The following ARHGEF10 variants were observed in gnomAD, a reference collection of about 807,000 sequenced individuals.
ARHGEF10 encodes Rho guanine nucleotide exchange factor (GEF) 10.
Under a neutral mutation model 147.4 loss-of-function variants are expected in ARHGEF10, and 140 were observed. That is an observed-to-expected ratio of 0.95 (90% CI 0.83 to 1.09). The LOEUF is 1.09. Among genes scored for constraint, ARHGEF10 ranks in the 50% least tolerant of loss-of-function variants. The pLI, the probability that ARHGEF10 is intolerant of heterozygous loss-of-function variation, is 0.00. For synonymous variants in ARHGEF10, 902 were observed against 695.8 expected, an observed-to-expected ratio of 1.30 and a Z score of -4.67; for missense variants, 2,222 against 1,752.7, an observed-to-expected ratio of 1.27 and a Z score of -4.78.
At chr8:1,926,579 C>T (rs1326341163) in intron 23 of ARHGEF10, 116 bp downstream of exon 23, 4 of 920,512 alleles carry the variant, frequency 4.3e-6, no homozygotes, top group Non-Finnish European at 7.1e-6. Flanking sequence ...TGGCGTATCC[C>T]AGAGTGTACT....
At position 1,909,446 on chromosome 8, in the gene ARHGEF10, G is replaced by C. The variant is rs1301945404; in HGVS notation, c.2119G>C (p.Ala707Pro). ...TGCCGTTCACCCGCCGGAGAGCCTG[G>C]CCGTGGTTGCTAACGCGAAACCAAG... ...HLAVHPPESL[A>P]VVANAKPNKV... The change falls in exon 18 of 29, where the codon GCC (alanine) becomes CCC (proline). Residue 707 changes from alanine (A) to proline (P), a missense_variant. By Grantham distance (27) the Ala-to-Pro change is conservative. Transcript: ENST00000349830. 2 of 1,614,090 alleles carry C rather than the reference G, an allele frequency of 1.2e-6. No individual in the cohort carries two copies. Among genetic ancestry groups the C allele is most frequent in the Admixed American group, 3.3e-5 (2 of 60,020 alleles).
At chr8:1,945,215 A>G (rs1563324061) in intron 26 of ARHGEF10, among the ~76,000 whole-genome samples, 2 of 152,206 alleles carry the variant, frequency 1.3e-5, no homozygotes, top group South Asian at 2.1e-4. Flanking sequence ...TTAGGACACA[A>G]GCTCAGTGGC....
At chr8:1,876,943 G>A (rs79557181) in intron 8 of ARHGEF10, among the ~76,000 whole-genome samples, 3,185 of 152,310 alleles carry the variant, frequency 0.021, 40 homozygotes, top group African/African-American at 0.04. Context: ...GAGAAATTAA[G>A]CTTCTATAAT....
rs1813536219 is a variant in ARHGEF10, at chr8:1,935,696, G to A, written c.3222+1754G>A. ...CCTCTCTACAGAGGAGCTTGTGCAC[G>A]CACATCTAAGGGTATCCATTGCAAC... On this transcript the variant is annotated intron_variant, in intron 26 of 28. Coordinates refer to ENST00000349830, the MANE Select transcript of ARHGEF10 (RefSeq NM_014629.4). Among the ~76,000 whole-genome samples, 11 of 152,308 alleles carry A rather than the reference G, an allele frequency of 7.2e-5. No homozygotes were observed. In the South Asian group the frequency reaches 2.1e-3, roughly 29 times the overall value.
At chr8:1,877,810 A>G (rs1407813735) in intron 8 of ARHGEF10, among the ~76,000 whole-genome samples, 1 of 151,848 alleles carries the variant, frequency 6.6e-6, no homozygotes, top group Non-Finnish European at 1.5e-5. Context: ...TGAGGCTGAG[A>G]TGGAAGCCAC....
upstream of ARHGEF10, among the ~76,000 whole-genome samples, chr8:1,823,452 G>A (rs973592764): frequency 6.6e-6 from 1 of 151,122 alleles, no homozygotes; most frequent in African/African-American, 2.4e-5. Flanking sequence ...GATGTTCTGG[G>A]GGGGGGAGCG....
At chr8:1,873,073 C>T (rs775664934) in intron 7 of ARHGEF10, among the ~76,000 whole-genome samples, 2 of 152,206 alleles carry the variant, frequency 1.3e-5, no homozygotes, top group African/African-American at 4.8e-5. Flanking sequence ...GGCCCCCTGC[C>T]GTGTGGCGAG....
intron 2 of ARHGEF10, among the ~76,000 whole-genome samples, chr8:1,847,111 T>C (rs1804622810): frequency 6.6e-6 from 1 of 152,066 alleles, no homozygotes; most frequent in Admixed American, 6.6e-5. Context: ...ACACGTCAGG[T>C]CATCACAAGG....
At chr8:1,825,690 T>C (rs925490283) in intron 1 of ARHGEF10, among the ~76,000 whole-genome samples, 1 of 152,122 alleles carries the variant, frequency 6.6e-6, no homozygotes, top group South Asian at 2.1e-4. Context: ...CAGTAGGTCA[T>C]GTTCCCAGGC....
rs1287247041 is a variant in ARHGEF10 at position 1,909,566 on chromosome 8, G to C, written c.2143+96G>C. 5 of 1,526,192 alleles carry C rather than the reference G, an allele frequency of 3.3e-6. No individual in the cohort carries two copies. The Admixed American group carries it at 9.5e-5, about 29-fold the overall frequency. The allele number at this position is 1,526,192 out of a possible 1,614,324, so 94.5% of individuals were successfully genotyped here. On this transcript the variant is annotated intron_variant, in intron 18 of 28. Transcript: ENST00000349830. ...GCCAGCGTAAGCTCCACCATCAGCA[G>C]GTTCAGGGTTTAACATGGCAAGTCT...
At chr8:1,888,794 GTGAGGAGACACTGAGTGGGGTGAGAGTTA>G (rs1809059769) in intron 11 of ARHGEF10, among the ~76,000 whole-genome samples, 5 of 67,992 alleles carry the variant, frequency 7.4e-5, no homozygotes, top group African/African-American at 3.3e-4. Flanking sequence ...GGTGAGTATT[GTGAGGAGACACTGAGTGGGGTGAGAGTTA>G]TGAGGAGACA....
intron 2 of ARHGEF10, among the ~76,000 whole-genome samples, chr8:1,845,988 C>G (rs1249603189): frequency 6.6e-6 from 1 of 152,240 alleles, no homozygotes; most frequent in Non-Finnish European, 1.5e-5. Flanking sequence ...TCCACGCCCT[C>G]TGGGTGCAGC....
At chr8:1,825,669 C>G (rs1020520850) in intron 1 of ARHGEF10, among the ~76,000 whole-genome samples, 1 of 152,066 alleles carries the variant, frequency 6.6e-6, no homozygotes, top group Non-Finnish European at 1.5e-5. Context: ...AGTACCCCTC[C>G]CGACTGTGGC....
chr8:1,860,250 A>T lies in ARHGEF10; in HGVS notation c.481+66A>T, dbSNP rs71499049. On this transcript the variant is annotated intron_variant, in intron 4 of 28. Transcript: ENST00000349830. ...GGTTCCCTCCTCTCCACGCCCCCGAAGTGGCCTGTGGTTCCCTCCTCTGCA... is the reference window on the plus strand; with the variant it reads ...GGTTCCCTCCTCTCCACGCCCCCGATGTGGCCTGTGGTTCCCTCCTCTGCA... 6,173 of 1,506,482 alleles carry T rather than the reference A, an allele frequency of 4.1e-3. 165 individuals carry two copies. The highest frequency in any genetic ancestry group is 4.3e-3 in the Non-Finnish European group (4,722 of 1,103,370). The allele number at this position is 1,506,482 out of a possible 1,614,324, so 93.3% of individuals were successfully genotyped here.
chr8:1,908,479 G>A (rs1247439262), intron 17 of ARHGEF10, among the ~76,000 whole-genome samples: 3 of 152,082 alleles, frequency 2.0e-5, no homozygotes, highest in East Asian at 1.9e-4. Flanking sequence ...TGATCTGCCT[G>A]CCTTGGCCTC....
At chr8:1,842,676 C>T (rs1804185763) in intron 1 of ARHGEF10, among the ~76,000 whole-genome samples, 1 of 152,240 alleles carries the variant, frequency 6.6e-6, no homozygotes, top group Non-Finnish European at 1.5e-5. Context: ...CCCTGGATGG[C>T]TCTGGCGGGA....
intron 1 of ARHGEF10, among the ~76,000 whole-genome samples, chr8:1,830,080 A>G (rs1260448991): frequency 2.0e-5 from 3 of 152,186 alleles, no homozygotes; most frequent in African/African-American, 4.8e-5. Flanking sequence ...CGCTTGCTCT[A>G]AAGAGCCACT....
Position 1,957,118 on chromosome 8 carries a change from G to T in ARHGEF10, c.3890G>T (p.Arg1297Leu). The part of the protein sequence containing the change: ...DPVSLRSKAR[R>L]AKKAKASSAL... Reference sequence around the variant, plus strand: ...GTCTCGCTGAGAAGCAAAGCACGCCGGGCCAAGAAAGCCAAGGCCAGCTCG... The same window carrying T: ...GTCTCGCTGAGAAGCAAAGCACGCCTGGCCAAGAAAGCCAAGGCCAGCTCG... The change falls in exon 29 of 29, where the codon CGG becomes CTG. Residue 1297 changes from arginine to leucine, a missense_variant. Physicochemically the swap from Arg to Leu is moderately radical, Grantham distance 102 (BLOSUM62 -2). Coordinates refer to ENST00000349830, the MANE Select transcript of ARHGEF10 (RefSeq NM_014629.4). 1 of 1,613,070 alleles carries T rather than the reference G, an allele frequency of 6.2e-7. No homozygotes were observed. The highest frequency in any genetic ancestry group is 8.5e-7 in the Non-Finnish European group (1 of 1,180,038).
intron 18 of ARHGEF10, among the ~76,000 whole-genome samples, chr8:1,914,683 G>T (rs933448452): frequency 6.6e-6 from 1 of 152,246 alleles, no homozygotes; most frequent in Non-Finnish European, 1.5e-5. Context: ...ATTGCTGTGG[G>T]AAGGGCTGCT....
Sources: gnomAD v4.1 joint callset for allele counts (sites outside exome capture counted in the v4.1 genomes callset) on GRCh38, gnomAD v4.1.1 for gene constraint, MANE v1.5 for transcripts, NCBI Gene and HGNC (gene_info 2026-07-23, HGNC 2026-07-21) for gene names.